The following SLC4A10 variants were observed in gnomAD, a reference collection of about 807,000 sequenced individuals.
SLC4A10 encodes solute carrier family 4 member 10.
A neutral mutation model predicts 137.7 loss-of-function variants in SLC4A10; 42 were observed. The observed-to-expected ratio is 0.30, with a 90% confidence interval of 0.24 to 0.39. The LOEUF (loss-of-function observed/expected upper bound fraction) is 0.39, where lower values mean the gene tolerates loss of function less well. Ranked by LOEUF, SLC4A10 falls within the 10% of genes least tolerant of loss-of-function variation. The probability of loss-of-function intolerance (pLI) is 1.00; values close to 1 mark genes in which losing one functional copy is unlikely to be tolerated. For missense variants in SLC4A10, 925 were observed against 1,355.0 expected, an observed-to-expected ratio of 0.68 and a Z score of 4.98; for synonymous variants, 474 against 464.1, an observed-to-expected ratio of 1.02 and a Z score of -0.27.
chr2:161,967,536 G>T (rs2105929070), intron 23 of SLC4A10, among the ~76,000 whole-genome samples: 1 of 152,264 alleles, frequency 6.6e-6, no homozygotes, highest in African/African-American at 2.4e-5. Context: ...TTGGTGGTAA[G>T]ATGTGCTCCT....
At chr2:161,695,255 T>C (rs965188764) in intron 1 of SLC4A10, among the ~76,000 whole-genome samples, 3 of 152,128 alleles carry the variant, frequency 2.0e-5, no homozygotes, top group Non-Finnish European at 2.9e-5. Context: ...AACTGATTTT[T>C]AGCACACCTA....
intron 21 of SLC4A10, among the ~76,000 whole-genome samples, chr2:161,962,522 G>A (rs1352593668): frequency 6.6e-6 from 1 of 152,022 alleles, no homozygotes; most frequent in African/African-American, 2.4e-5. Flanking sequence ...TGACTTTTAA[G>A]TTTAAATAAT....
intron 1 of SLC4A10, among the ~76,000 whole-genome samples, chr2:161,767,892 A>T (rs1037245901): frequency 1.3e-5 from 2 of 151,994 alleles, no homozygotes; most frequent in African/African-American, 4.8e-5. Flanking sequence ...TGTTCAGAAC[A>T]TCTCTGAATA....
At chr2:161,648,918 G>A (rs6432696) in intron 1 of SLC4A10, among the ~76,000 whole-genome samples, 132,460 of 152,030 alleles carry the variant, frequency 0.87, 58,323 homozygotes, top group East Asian at 1. Flanking sequence ...ATACCTCAGT[G>A]AAAAACTTAT....
chr2:161,696,055 C>T (rs1390326722), intron 1 of SLC4A10, among the ~76,000 whole-genome samples: 2 of 151,470 alleles, frequency 1.3e-5, no homozygotes, highest in Admixed American at 6.6e-5. Context: ...AATGCTATCC[C>T]ACCCCACTTC....
chr2:161,687,921 T>C (rs919844247), intron 1 of SLC4A10, among the ~76,000 whole-genome samples: 6 of 152,224 alleles, frequency 3.9e-5, no homozygotes, highest in Non-Finnish European at 8.8e-5. Context: ...TTAAACCTCT[T>C]TTCTTTATAA....
At chr2:161,967,594 A>G (rs1481820780) in intron 23 of SLC4A10, among the ~76,000 whole-genome samples, 14 of 152,136 alleles carry the variant, frequency 9.2e-5, no homozygotes, top group Non-Finnish European at 1.5e-5. Context: ...ATCCACCCCT[A>G]CTATGGCCTC....
intron 1 of SLC4A10, among the ~76,000 whole-genome samples, chr2:161,692,885 C>T (rs754526652): frequency 2.6e-5 from 4 of 151,446 alleles, no homozygotes; most frequent in Admixed American, 1.3e-4. Context: ...GAGGAGTTAG[C>T]AGCCTTAGCA....
intron 20 of SLC4A10, 81 bp from the exon 21 acceptor site, chr2:161,958,406 C>T (rs1427596732): frequency 5.1e-6 from 6 of 1,182,148 alleles, no homozygotes; most frequent in Admixed American, 2.0e-5. Context: ...GCCTTTTTTC[C>T]CTGTTTTTTT....
intron 15 of SLC4A10, among the ~76,000 whole-genome samples, chr2:161,917,636 C>G (rs544701107): frequency 6.6e-6 from 1 of 150,718 alleles, no homozygotes; most frequent in South Asian, 2.1e-4. Flanking sequence ...GTGCTTGTAG[C>G]ATTTTGTATT....
At chr2:161,836,566 AAG>A (rs2058806241) in intron 3 of SLC4A10, among the ~76,000 whole-genome samples, 1 of 129,822 alleles carries the variant, frequency 7.7e-6, no homozygotes, top group Non-Finnish European at 1.6e-5. Context: ...GAAAGAAAGA[AAG>A]AAAGAAAGAA....
intron 15 of SLC4A10, among the ~76,000 whole-genome samples, chr2:161,929,886 ATTTT>A (rs1690007169): frequency 6.6e-6 from 1 of 152,090 alleles, no homozygotes; most frequent in Non-Finnish European, 1.5e-5. Context: ...CTGGTTTTTA[ATTTT>A]TTTATTTCTT....
intron 1 of SLC4A10, among the ~76,000 whole-genome samples, chr2:161,721,407 G>A (rs1200022950): frequency 6.6e-6 from 1 of 152,130 alleles, no homozygotes; most frequent in Non-Finnish European, 1.5e-5. Context: ...CAGTATTTGC[G>A]TGTCTGAAAA....
chr2:161,885,893 A>G (rs2062231584), intron 10 of SLC4A10, among the ~76,000 whole-genome samples: 1 of 152,160 alleles, frequency 6.6e-6, no homozygotes, highest in Non-Finnish European at 1.5e-5. Flanking sequence ...ACTTGATGTC[A>G]CAAGTTTGAG....
intron 22 of SLC4A10, 69 bp downstream of exon 22, chr2:161,964,377 T>C (rs1697228783): frequency 3.4e-6 from 5 of 1,490,812 alleles, no homozygotes; most frequent in Non-Finnish European, 3.7e-6. Context: ...CATAAACACA[T>C]GAATTGAAAC....
chr2:161,770,916 T>C (rs1296580357), intron 1 of SLC4A10, 57 bp from the exon 2 acceptor site: 4 of 1,300,112 alleles, frequency 3.1e-6, no homozygotes, highest in African/African-American at 1.5e-5. Flanking sequence ...GGTTTGTTTT[T>C]TGAAATTGAG....
In SLC4A10 at chr2:161,743,686, T is replaced by C. The variant is rs1371265800; in HGVS notation, c.49-27287T>C. 3.3e-5 allele frequency among the ~76,000 whole-genome samples: 5 copies of C among 152,098 alleles called. No homozygotes were observed. The South Asian group carries it at 6.2e-4, about 19-fold the overall frequency. The stretch of plus-strand genomic sequence containing the variant: ...ATTTCTGTGGAGAATGTCATTGGTA[T>C]TTTGATAGGGATTGCATTAAATCTA... On this transcript the variant is annotated intron_variant, in intron 1 of 26. Transcript: ENST00000446997.
rs1227259523 is a variant in SLC4A10 at position 161,957,033 on chromosome 2, G to A, written c.2586G>A (p.Met862Ile). Residue 862 changes from methionine (M) to isoleucine (I), a missense_variant, in exon 20 of 27, where the codon ATG becomes ATA. By Grantham distance (10) the Met-to-Ile change is conservative (BLOSUM62 1). Coordinates refer to ENST00000446997, the MANE Select transcript of SLC4A10 (RefSeq NM_001178015.2). Reference sequence around the variant, plus strand: ...TGGACCTATTAATGGTGGCTGTCATGCTCGGTGTATGCTCCATCATGGGCC... The same window carrying A: ...TGGACCTATTAATGGTGGCTGTCATACTCGGTGTATGCTCCATCATGGGCC... ...YHLDLLMVAV[M>I]LGVCSIMGLP... is the part of the protein sequence containing the mutation. The A allele has an allele frequency of 6.2e-7, 1 of 1,607,080 alleles. No homozygotes were observed. Among genetic ancestry groups the A allele is most frequent in the Admixed American group, 1.7e-5 (1 of 59,022 alleles).
intron 3 of SLC4A10, among the ~76,000 whole-genome samples, chr2:161,830,985 A>G (rs1193435231): frequency 1.3e-5 from 2 of 152,154 alleles, no homozygotes; most frequent in African/African-American, 2.4e-5. Flanking sequence ...ATGATTAGGT[A>G]GGTGTGCCAA....
Sources: allele counts gnomAD v4.1 joint callset (sites outside exome capture counted in the v4.1 genomes callset), GRCh38; gene constraint gnomAD v4.1.1; transcripts MANE v1.5; gene names NCBI Gene and HGNC (gene_info 2026-07-23, HGNC 2026-07-21).